The following SBF2 variants were observed in gnomAD, a reference collection of about 807,000 sequenced individuals.
SBF2 encodes SET binding factor 2.
Under a neutral mutation model 225.2 loss-of-function variants are expected in SBF2, and 112 were observed. The ratio of observed to expected loss-of-function variants is 0.50; its 90% CI spans 0.43 to 0.58. The LOEUF is 0.58. Among genes scored for constraint, SBF2 ranks in the 20% least tolerant of loss-of-function variants. The pLI, the probability that SBF2 is intolerant of heterozygous loss-of-function variation, is 0.00. For missense variants in SBF2, 1,996 were observed against 2,206.2 expected, an observed-to-expected ratio of 0.90 and a Z score of 1.91; for synonymous variants, 763 against 773.3, an observed-to-expected ratio of 0.99 and a Z score of 0.22.
At chr11:10,064,282 A>C (rs543283711) in intron 2 of SBF2, among the ~76,000 whole-genome samples, 5 of 152,314 alleles carry the variant, frequency 3.3e-5, no homozygotes, top group Admixed American at 3.3e-4. Flanking sequence ...TAGAATATAC[A>C]AATTAAAGAT....
At chr11:10,297,196 C>G (rs770204516), upstream of SBF2, among the ~76,000 whole-genome samples, 8 of 151,822 alleles carry the variant, frequency 5.3e-5, no homozygotes, top group South Asian at 2.1e-4. Flanking sequence ...TATTCCCCCC[C>G]CCAAATATTT....
At chr11:9,885,762 T>A (rs1043482845) in intron 17 of SBF2, among the ~76,000 whole-genome samples, 52 of 152,346 alleles carry the variant, frequency 3.4e-4, no homozygotes, top group African/African-American at 1.2e-3. Context: ...AAAATTTTAT[T>A]TTTAAATGTG....
chr11:9,969,600 C>G (rs960277805), intron 13 of SBF2, among the ~76,000 whole-genome samples: 2 of 152,158 alleles, frequency 1.3e-5, no homozygotes, highest in African/African-American at 2.4e-5. Context: ...GCCTGGAATG[C>G]CTGTGCCCCA....
At chr11:10,226,107 A>G (rs1958526330) in intron 1 of SBF2, among the ~76,000 whole-genome samples, 1 of 152,182 alleles carries the variant, frequency 6.6e-6, no homozygotes, top group South Asian at 2.1e-4. Context: ...TTTTTAAAAT[A>G]AATTATGGCA....
In SBF2 at chr11:10,303,797, G is replaced by A. The variant is rs1467666970; in HGVS notation, n.386+695C>T. 6.6e-6 allele frequency: 1 copy of A among 152,368 alleles called. No homozygotes were observed. The highest frequency in any genetic ancestry group is 2.4e-5 in the African/African-American group (1 of 41,458). 9.4% of individuals were successfully genotyped at this position (152,368 alleles called of 1,614,324 possible). A position where few individuals can be genotyped will look rare whatever the true frequency, so the allele number is the denominator to read the frequency against. On this transcript the variant is annotated intron_variant and non_coding_transcript_variant, in intron 1 of 5. Transcript: ENST00000685217. The surrounding 1 kb of genome is among the most constrained non-coding windows in gnomAD (Gnocchi z 5.2). ...CAAGCACGAAGCAGGAAGCCCCGTG[G>A]CTTAGCCTTTCCTTCCCAGTTTGGC...
intron 1 of SBF2, among the ~76,000 whole-genome samples, chr11:10,286,334 G>A (rs1963781172): frequency 6.7e-6 from 1 of 148,812 alleles, no homozygotes; most frequent in Non-Finnish European, 1.5e-5. Flanking sequence ...AAAGCTAGAG[G>A]AAGTTTTTGT....
Position 10,029,874 on chromosome 11 carries a change from G to A in SBF2, c.404C>T (p.Ala135Val), listed in dbSNP as rs1290549092. ...SRLYYPEIFR[A>V]CLGLIYTVYV... is the part of the protein sequence containing the mutation. ...CACGGTATAGATCAAACCCAGGCAAGCCTGCAAAAAGATAAATACATGTAA... is the reference window on the plus strand; with the variant it reads ...CACGGTATAGATCAAACCCAGGCAAACCTGCAAAAAGATAAATACATGTAA... Residue 135 changes from alanine to valine, a missense_variant and splice_region_variant, in exon 5 of 40, where the codon GCT (alanine) becomes GTT (valine). Coordinates refer to ENST00000256190, the MANE Select transcript of SBF2 (RefSeq NM_030962.4). 1.2e-6 allele frequency: 2 copies of A among 1,600,286 alleles called. No homozygotes were observed. Among genetic ancestry groups the A allele is most frequent in the South Asian group, 1.1e-5 (1 of 90,804 alleles).
At chr11:10,240,119 A>G (rs1046756380) in intron 1 of SBF2, among the ~76,000 whole-genome samples, 4 of 152,154 alleles carry the variant, frequency 2.6e-5, no homozygotes, top group Non-Finnish European at 5.9e-5. Flanking sequence ...ACATGAGACA[A>G]AAGTCCCCAA....
intron 2 of SBF2, among the ~76,000 whole-genome samples, chr11:10,179,780 T>C (rs1177358307): frequency 3.9e-5 from 6 of 152,210 alleles, no homozygotes; most frequent in African/African-American, 1.4e-4. Flanking sequence ...CTTCCTTGTT[T>C]CCTTCCTGTC....
intron 17 of SBF2, among the ~76,000 whole-genome samples, chr11:9,894,353 C>G (rs950134459): frequency 2.0e-5 from 3 of 152,120 alleles, no homozygotes; most frequent in Non-Finnish European, 2.9e-5. Flanking sequence ...CCTGTCTCTA[C>G]TAAAAACACA....
At chr11:10,267,096 A>ATAAAT (rs745728332) in intron 1 of SBF2, among the ~76,000 whole-genome samples, 19 of 152,198 alleles carry the variant, frequency 1.2e-4, no homozygotes, top group Non-Finnish European at 8.8e-5. Flanking sequence ...CATCTCAAAA[A>ATAAAT]TAAATTAAAT....
intron 3 of SBF2, among the ~76,000 whole-genome samples, chr11:10,034,010 T>C (rs1352558279): frequency 6.6e-6 from 1 of 152,216 alleles, no homozygotes; most frequent in Non-Finnish European, 1.5e-5. Flanking sequence ...AAGTTTCACA[T>C]ATTTTATCCA....
At chr11:10,115,044 A>T (rs532333053) in intron 2 of SBF2, among the ~76,000 whole-genome samples, 111 of 152,172 alleles carry the variant, frequency 7.3e-4, no homozygotes, top group South Asian at 1.7e-3. Flanking sequence ...TTCATATGCA[A>T]CTCAAGTTTG....
At chr11:10,266,338 C>T (rs890768955) in intron 1 of SBF2, among the ~76,000 whole-genome samples, 5 of 152,108 alleles carry the variant, frequency 3.3e-5, no homozygotes, top group Non-Finnish European at 5.9e-5. Context: ...AAAGACCTCT[C>T]GGCCAAGGAC....
chr11:10,293,948 G>GACGCCCGGCCCCA, intron 1 of SBF2, 67 bp downstream of exon 1: 1 of 1,178,138 alleles, frequency 8.5e-7, no homozygotes. Flanking sequence ...GCCCGGCCCC[G>GACGCCCGGCCCCA]CGGAGCCCAC....
chr11:10,039,124 T>C (rs1949555937), intron 3 of SBF2, among the ~76,000 whole-genome samples: 1 of 151,918 alleles, frequency 6.6e-6, no homozygotes, highest in South Asian at 2.1e-4. Flanking sequence ...AATCACATTC[T>C]GGATGGTGTA....
At chr11:9,889,915 T>A (rs919909794) in intron 17 of SBF2, among the ~76,000 whole-genome samples, 11 of 152,288 alleles carry the variant, frequency 7.2e-5, no homozygotes, top group Admixed American at 2.0e-4. Context: ...TTCTATTTTT[T>A]ATTTTTGAGA....
chr11:10,289,142 G>T (rs1045423815), intron 1 of SBF2, among the ~76,000 whole-genome samples: 1 of 152,240 alleles, frequency 6.6e-6, no homozygotes, highest in African/African-American at 2.4e-5. Flanking sequence ...ACCCGGGGGC[G>T]CTGTGACAGC....
At chr11:9,950,971 C>T (rs1865822867) in intron 16 of SBF2, among the ~76,000 whole-genome samples, 1 of 152,130 alleles carries the variant, frequency 6.6e-6, no homozygotes, top group Admixed American at 6.5e-5. Flanking sequence ...TGGTTAAGTG[C>T]TACTGCAGGA....
Sources: gnomAD v4.1 joint callset for allele counts (sites outside exome capture counted in the v4.1 genomes callset) on GRCh38, gnomAD v4.1.1 for gene constraint, Gnocchi (gnomAD v3.1) non-coding constraint, MANE v1.5 for transcripts, NCBI Gene and HGNC (gene_info 2026-07-23, HGNC 2026-07-21) for gene names.